The following DAB1 variants were observed in gnomAD, a reference collection of about 807,000 sequenced individuals.
DAB1 encodes disabled homolog 1.
In DAB1, 15 loss-of-function variants were observed where a neutral mutation model predicts 64.6. The observed-to-expected ratio is 0.23, with a 90% CI of 0.16 to 0.36. The LOEUF (loss-of-function observed/expected upper bound fraction) is 0.36. Ranked by LOEUF, DAB1 falls within the 10% of genes least tolerant of loss-of-function variation. DAB1 has a pLI of 1.00. For synonymous variants in DAB1, 235 were observed against 251.9 expected (o/e 0.93, Z 0.64); for missense variants, 596 against 706.7 (o/e 0.84, Z 1.78).
chr1:57,137,118 C>T (rs1658194831), intron 3 of DAB1, among the ~76,000 whole-genome samples: 1 of 152,026 alleles, frequency 6.6e-6, no homozygotes, highest in African/African-American at 2.4e-5. Context: ...AAAACAAATG[C>T]TAGACTGTCC....
chr1:57,290,544 G>A (rs546453552), intron 2 of DAB1, among the ~76,000 whole-genome samples: 2 of 152,172 alleles, frequency 1.3e-5, no homozygotes, highest in Non-Finnish European at 2.9e-5. Context: ...GATGGGGAAG[G>A]GGGGTGGTTA....
At chr1:57,936,032 T>C (rs1240433362) in intron 5 of DAB1, among the ~76,000 whole-genome samples, 2 of 152,258 alleles carry the variant, frequency 1.3e-5, no homozygotes, top group Non-Finnish European at 2.9e-5. Context: ...CACTTGATCA[T>C]CCTGAACCTT....
At chr1:57,091,561 C>T (rs1159869690) in intron 4 of DAB1, among the ~76,000 whole-genome samples, 1 of 152,102 alleles carries the variant, frequency 6.6e-6, no homozygotes, top group Non-Finnish European at 1.5e-5. Flanking sequence ...CCCTTGAATG[C>T]CTTCTGATTC....
intron 5 of DAB1, among the ~76,000 whole-genome samples, chr1:58,073,153 G>A (rs1313345471): frequency 1.3e-5 from 2 of 152,188 alleles, no homozygotes; most frequent in Non-Finnish European, 2.9e-5. Flanking sequence ...CTGATGTCAA[G>A]AGTCCATGTT....
intron 4 of DAB1, among the ~76,000 whole-genome samples, chr1:58,314,031 T>C (rs897575246): frequency 6.6e-6 from 1 of 152,124 alleles, no homozygotes; most frequent in East Asian, 1.9e-4. Context: ...AATATCATAA[T>C]TTTTCTTTGC....
intron 2 of DAB1, among the ~76,000 whole-genome samples, chr1:57,201,986 C>T (rs1027998233): frequency 2.6e-5 from 4 of 152,164 alleles, no homozygotes; most frequent in African/African-American, 7.2e-5. Context: ...ATTCAAGTTT[C>T]CATCATCAGA....
chr1:57,530,121 A>C (rs556819605), intron 7 of DAB1, among the ~76,000 whole-genome samples: 19 of 152,312 alleles, frequency 1.2e-4, no homozygotes, highest in African/African-American at 4.6e-4. Context: ...TAATAGGAGG[A>C]CACGTGCAAA....
chr1:57,296,158 G>T (rs1004731457), intron 1 of DAB1, among the ~76,000 whole-genome samples: 13 of 152,048 alleles, frequency 8.5e-5, no homozygotes, highest in African/African-American at 3.1e-4. Context: ...AGATATTGTT[G>T]GGAGCCAAGC....
chr1:57,422,100 T>G (rs919358615), intron 1 of DAB1, among the ~76,000 whole-genome samples: 4 of 152,198 alleles, frequency 2.6e-5, no homozygotes, highest in African/African-American at 7.2e-5. Flanking sequence ...GGCACATAAA[T>G]GTACCAACGT....
At chr1:58,312,789 T>A (rs1322486282) in intron 4 of DAB1, among the ~76,000 whole-genome samples, 1 of 152,184 alleles carries the variant, frequency 6.6e-6, no homozygotes, top group African/African-American at 2.4e-5. Context: ...ACTTACTAGT[T>A]GTGTGAACTC....
chr1:57,484,484 G>A (rs2101251881), intron 7 of DAB1, among the ~76,000 whole-genome samples: 1 of 152,250 alleles, frequency 6.6e-6, no homozygotes, highest in African/African-American at 2.4e-5. Flanking sequence ...GAAATAATTT[G>A]ATTCCAATTT....
chr1:58,123,996 A>T (rs1652906497), intron 5 of DAB1, among the ~76,000 whole-genome samples: 1 of 152,154 alleles, frequency 6.6e-6, no homozygotes, highest in Non-Finnish European at 1.5e-5. Flanking sequence ...AGACTATTTT[A>T]AAAACATGAA....
At chr1:58,117,804 C>T (rs1282986493) in intron 5 of DAB1, among the ~76,000 whole-genome samples, 1 of 151,140 alleles carries the variant, frequency 6.6e-6, no homozygotes, top group Non-Finnish European at 1.5e-5. Flanking sequence ...TGTGCTTCAA[C>T]ATCTGAGGCT....
intron 1 of DAB1, among the ~76,000 whole-genome samples, chr1:57,855,377 GC>G (rs979622446): frequency 1.3e-5 from 2 of 152,122 alleles, no homozygotes; most frequent in Non-Finnish European, 2.9e-5. Flanking sequence ...CAACGTCCCT[GC>G]CCCCATGGAG....
intron 9 of DAB1, among the ~76,000 whole-genome samples, chr1:57,027,237 C>G (rs1161952351): frequency 6.6e-6 from 1 of 152,114 alleles, no homozygotes; most frequent in Non-Finnish European, 1.5e-5. Flanking sequence ...TAAGATAAAC[C>G]ACAAGAGAAA....
chr1:56,998,550 C>T (rs1287434167), intron 14 of DAB1, among the ~76,000 whole-genome samples: 2 of 152,202 alleles, frequency 1.3e-5, no homozygotes, highest in Non-Finnish European at 2.9e-5. Context: ...GCTAGCAATA[C>T]ATCTTCAGAA....
intron 7 of DAB1, among the ~76,000 whole-genome samples, chr1:57,502,562 G>A (rs932329904): frequency 5.9e-5 from 9 of 152,166 alleles, no homozygotes; most frequent in African/African-American, 2.2e-4. Flanking sequence ...TGAGATGGGT[G>A]CTGTGTCTAT....
At chr1:57,237,174 T>C (rs1371402383) in intron 2 of DAB1, among the ~76,000 whole-genome samples, 3 of 152,142 alleles carry the variant, frequency 2.0e-5, no homozygotes, top group African/African-American at 4.8e-5. Context: ...TTTGAAATGT[T>C]TGAGGGCAGG....
chr1:57,086,680 CACACACAT>C (rs1301202922), intron 4 of DAB1, among the ~76,000 whole-genome samples: 34 of 147,504 alleles, frequency 2.3e-4, no homozygotes, highest in Admixed American at 2.2e-4. Context: ...CACACACACA[CACACACAT>C]GAAAAAAACC....
Sources: gnomAD v4.1 joint callset for allele counts (sites outside exome capture counted in the v4.1 genomes callset) on GRCh38, gnomAD v4.1.1 for gene constraint, MANE v1.5 for transcripts, NCBI Gene and HGNC (gene_info 2026-07-23, HGNC 2026-07-21) for gene names.